AKAP3: variants seen among roughly 807,000 people sequenced by gnomAD.
The protein encoded by AKAP3 is A-kinase anchor protein 3.
A neutral mutation model predicts 57.2 loss-of-function variants in AKAP3; 27 were observed. That is an observed-to-expected ratio of 0.47 (90% confidence interval 0.35 to 0.65). AKAP3 has a LOEUF of 0.65. Ranked by LOEUF, AKAP3 falls within the 30% of genes least tolerant of loss-of-function variation. The pLI is 0.01. For missense variants in AKAP3, 959 were observed against 1,040.0 expected, an observed-to-expected ratio of 0.92 and a Z score of 1.07; for synonymous variants, 334 against 392.3, an observed-to-expected ratio of 0.85 and a Z score of 1.76.
rs1044939010 is a variant in AKAP3 at position 4,625,274 on chromosome 12, G to A, written c.2406+1222C>T. 1.3e-5 allele frequency among the ~76,000 whole-genome samples: 2 copies of A among 152,152 alleles called. No homozygotes were observed. Among genetic ancestry groups the A allele is most frequent in the Non-Finnish European group, 2.9e-5 (2 of 68,040 alleles). ...CTAAGATGAAGATTCTGATTCAGTA[G>A]GTCTGGAGGGAAGTGTGAGATTCTG... On this transcript the variant is annotated intron_variant, in intron 5 of 5. Transcript: ENST00000228850. The surrounding 1 kb of genome is among the most constrained non-coding windows in gnomAD (Gnocchi z 5.4).
intron 1 of AKAP3, among the ~76,000 whole-genome samples, chr12:4,646,989 G>C (rs796156745): frequency 2.0e-5 from 3 of 152,026 alleles, no homozygotes; most frequent in African/African-American, 7.2e-5. Flanking sequence ...CACTATGTTG[G>C]CCAAGCTGGT....
intron 5 of AKAP3, among the ~76,000 whole-genome samples, chr12:4,621,868 T>C (rs1192997892): frequency 1.3e-5 from 2 of 152,168 alleles, no homozygotes; most frequent in East Asian, 3.8e-4. Context: ...TTGATGACAT[T>C]TGTATGGCAG....
intron 5 of AKAP3, among the ~76,000 whole-genome samples, 193 bp from the exon 6 acceptor site, chr12:4,616,087 C>A (rs1179306690): frequency 1.3e-5 from 2 of 152,210 alleles, no homozygotes; most frequent in East Asian, 3.8e-4. Flanking sequence ...ATGTTAACAC[C>A]CACCTGCCCA....
At chr12:4,642,875 A>C (rs1325049757) in intron 2 of AKAP3, among the ~76,000 whole-genome samples, 1 of 152,240 alleles carries the variant, frequency 6.6e-6, no homozygotes, top group Non-Finnish European at 1.5e-5. Context: ...GCCCATTTTC[A>C]GATAGTTCAT....
intron 1 of AKAP3, among the ~76,000 whole-genome samples, chr12:4,646,128 G>T (rs1256264494): frequency 1.3e-5 from 2 of 152,034 alleles, no homozygotes; most frequent in African/African-American, 4.8e-5. Context: ...TTTATCATTT[G>T]CAATGCCTGA....
At position 4,627,816 on chromosome 12, in the gene AKAP3, G is replaced by C. The variant is rs1565552873; in HGVS notation, c.1086C>G (p.Val362=). 6.2e-7 allele frequency: 1 copy of C among 1,614,158 alleles called. No homozygotes were observed. The highest frequency in any genetic ancestry group is 8.5e-7 in the Non-Finnish European group (1 of 1,180,036). The change falls in exon 5 of 6, where the codon GTC becomes GTG. Residue 362 remains valine (V), a synonymous_variant. Coordinates refer to ENST00000228850, the MANE Select transcript of AKAP3 (RefSeq NM_001278309.2). The part of the protein sequence containing the change: ...TQFVSAVKRT[V]FSHGSQKATD... ...TGGCCTTTTGGCTTCCATGAGAGAA[G>C]ACAGTTCTTTTCACAGCCGAGACAA...
chr12:4,642,458 T>C (rs1010856278), intron 2 of AKAP3, among the ~76,000 whole-genome samples: 1 of 152,220 alleles, frequency 6.6e-6, no homozygotes, highest in Admixed American at 6.5e-5. Context: ...TTCATAGATA[T>C]CTTCCAGATT....
chr12:4,646,625 T>G (rs1347734024), intron 1 of AKAP3, among the ~76,000 whole-genome samples: 1 of 151,426 alleles, frequency 6.6e-6, no homozygotes, highest in Non-Finnish European at 1.5e-5. Flanking sequence ...TGAGCAGAGA[T>G]AGCACCATTG....
chr12:4,621,617 C>A (rs1472596067), intron 5 of AKAP3, among the ~76,000 whole-genome samples: 1 of 152,186 alleles, frequency 6.6e-6, no homozygotes, highest in Non-Finnish European at 1.5e-5. Flanking sequence ...ATAGGCTATA[C>A]AATATAAGCT....
At chr12:4,621,396 A>C (rs1945346084) in intron 5 of AKAP3, among the ~76,000 whole-genome samples, 1 of 152,164 alleles carries the variant, frequency 6.6e-6, no homozygotes, top group African/African-American at 2.4e-5. Flanking sequence ...CCACTCAGTC[A>C]CTCACTCATC....
intron 4 of AKAP3, chr12:4,631,326 C>T (rs1945495148): frequency 8.6e-6 from 6 of 701,746 alleles, no homozygotes; most frequent in South Asian, 4.4e-5. Flanking sequence ...CTTAAGCTCA[C>T]CAACTAAGAC....
intron 1 of AKAP3, among the ~76,000 whole-genome samples, chr12:4,646,907 C>T (rs572840442): frequency 7.9e-4 from 120 of 152,076 alleles, no homozygotes; most frequent in African/African-American, 2.7e-3. Flanking sequence ...CTCAGTCTCC[C>T]GAGTAACTGG....
chr12:4,615,884 A>T lies in AKAP3; in HGVS notation c.2417T>A (p.Leu806His). The T allele has an allele frequency of 6.2e-7, 1 of 1,614,214 alleles. No individual in the cohort carries two copies. Among genetic ancestry groups the T allele is most frequent in the South Asian group, 1.1e-5 (1 of 91,080 alleles). ...TCCTTTGTCCACAGCAGCAGCTGAGAGCTGAAGTAGCTGTGAAAGGAAAGA... is the reference window on the plus strand; with the variant it reads ...TCCTTTGTCCACAGCAGCAGCTGAGTGCTGAAGTAGCTGTGAAAGGAAAGA... Reference protein sequence around the residue: ...DEGIQEKLLQLSAAAVDKGCS... With the variant: ...DEGIQEKLLQHSAAAVDKGCS... The change falls in exon 6 of 6, where the codon CTC becomes CAC. Residue 806 changes from leucine to histidine, a missense_variant. Coordinates refer to ENST00000228850, the MANE Select transcript of AKAP3 (RefSeq NM_001278309.2).
At chr12:4,645,340 G>A (rs1017266002) in intron 1 of AKAP3, 148 bp from the exon 2 acceptor site, 4 of 152,120 alleles carry the variant, frequency 2.6e-5, no homozygotes, top group Non-Finnish European at 5.9e-5. Context: ...AGAAGGACTG[G>A]GCTTTATTCT....
chr12:4,642,518 T>C (rs1047674384), intron 2 of AKAP3, among the ~76,000 whole-genome samples: 3 of 152,188 alleles, frequency 2.0e-5, no homozygotes, highest in Non-Finnish European at 2.9e-5. Context: ...TGGAAGACAT[T>C]AGGGCACTGT....
chr12:4,632,308 G>A (rs960329997), intron 4 of AKAP3, among the ~76,000 whole-genome samples: 2 of 152,166 alleles, frequency 1.3e-5, no homozygotes, highest in Non-Finnish European at 1.5e-5. Flanking sequence ...GTGACTGTAG[G>A]AAGTCGTCGT....
At chr12:4,643,075 T>C (rs1395918568) in intron 2 of AKAP3, among the ~76,000 whole-genome samples, 1 of 152,234 alleles carries the variant, frequency 6.6e-6, no homozygotes, top group Non-Finnish European at 1.5e-5. Context: ...CTAGTACAAA[T>C]AAATCAACAT....
chr12:4,645,805 G>C (rs1439657453), intron 1 of AKAP3: 1 of 152,190 alleles, frequency 6.6e-6, no homozygotes, highest in Non-Finnish European at 1.5e-5. Context: ...CTCTGCTTTA[G>C]AGTGTTTAAT....
At chr12:4,620,477 A>C in intron 5 of AKAP3, among the ~76,000 whole-genome samples, 1 of 149,728 alleles carries the variant, frequency 6.7e-6, no homozygotes, top group Non-Finnish European at 1.5e-5. Flanking sequence ...ACTGTCTCAA[A>C]AAAAAAAAAA....
Sources: allele counts gnomAD v4.1 joint callset (sites outside exome capture counted in the v4.1 genomes callset), GRCh38; gene constraint gnomAD v4.1.1; non-coding constraint Gnocchi (gnomAD v3.1); transcripts MANE v1.5; gene names NCBI Gene and HGNC (gene_info 2026-07-23, HGNC 2026-07-21).